The following GREB1L variants were observed in gnomAD, a reference collection of about 807,000 sequenced individuals.
GREB1L encodes GREB1-like protein.
Under a neutral mutation model 200.8 loss-of-function variants are expected in GREB1L, and 17 were observed. The ratio of observed to expected loss-of-function variants is 0.08; its 90% CI spans 0.06 to 0.13. GREB1L has a LOEUF of 0.13. Among genes scored for constraint, GREB1L ranks in the 10% least tolerant of loss-of-function variants. The probability of loss-of-function intolerance (pLI) is 1.00; values close to 1 mark genes in which losing one functional copy is unlikely to be tolerated. For synonymous variants in GREB1L, 789 were observed against 893.0 expected (o/e 0.88, Z 2.08); for missense variants, 1,657 against 2,367.7 (o/e 0.70, Z 6.23).
intron 2 of GREB1L, among the ~76,000 whole-genome samples, chr18:21,382,628 A>G (rs2040368595): frequency 1.3e-5 from 2 of 151,510 alleles, no homozygotes; most frequent in Non-Finnish European, 2.9e-5. Context: ...AGTAGCTGGG[A>G]CTACAGGCAC....
intron 7 of GREB1L, among the ~76,000 whole-genome samples, chr18:21,420,001 A>G (rs1432752566): frequency 2.0e-5 from 3 of 152,236 alleles, no homozygotes; most frequent in Non-Finnish European, 4.4e-5. Context: ...TATAACACCA[A>G]AAGTTTAATC....
intron 1 of GREB1L, among the ~76,000 whole-genome samples, chr18:21,317,220 A>G (rs1387074714): frequency 6.6e-6 from 1 of 152,032 alleles, no homozygotes; most frequent in Admixed American, 6.6e-5. Context: ...AAATCAATCA[A>G]TGGATTAATC....
At chr18:21,387,508 CTT>C (rs1365397835) in intron 4 of GREB1L, 2 of 152,208 alleles carry the variant, frequency 1.3e-5, no homozygotes, top group African/African-American at 4.8e-5. Context: ...TTATCACTAA[CTT>C]ACGTTTCTTT....
chr18:21,518,103 C>T lies in GREB1L; in HGVS notation c.5341C>T (p.Leu1781=). The T allele has an allele frequency of 6.4e-7, 1 of 1,551,662 alleles. No individual in the cohort carries two copies. Among genetic ancestry groups the T allele is most frequent in the Non-Finnish European group, 8.7e-7 (1 of 1,146,962 alleles). Residue 1781 remains leucine, a synonymous_variant, in exon 31 of 33, where the codon CTG becomes TTG. Coordinates refer to ENST00000424526, the MANE Select transcript of GREB1L (RefSeq NM_001142966.3). ...TGCTCCCGACAGTGAACACACACTA[C>T]TGGCAGCCCCTGCACAGTTTCTCCT... The part of the protein sequence containing the change: ...ICAPDSEHTL[L]AAPAQFLLEK...
At position 21,500,252 on chromosome 18, in the gene GREB1L, C is replaced by T. The variant is rs780337558; in HGVS notation, c.3915C>T (p.Ala1305=). The T allele has an allele frequency of 3.2e-5, 48 of 1,501,604 alleles. No homozygotes were observed. The African/African-American group carries it at 5.0e-4, about 16-fold the overall frequency. The allele number at this position is 1,501,604 out of a possible 1,614,324, so 93.0% of individuals were successfully genotyped here. ...ACTATAGCAACCAGCTGGACCCGGC[C>T]TCTGGCACCCGAAACTTCCACCCCC... ...HADYSNQLDP[A]SGTRNFHPRR... The change falls in exon 22 of 33, where the codon GCC becomes GCT. Residue 1305 remains alanine, a synonymous_variant. Coordinates refer to ENST00000424526, the MANE Select transcript of GREB1L (RefSeq NM_001142966.3).
Position 21,490,092 on chromosome 18 carries a change from C to A in GREB1L, c.2771C>A (p.Thr924Asn). The A allele has an allele frequency of 6.4e-7, 1 of 1,551,948 alleles. No individual in the cohort carries two copies. Among genetic ancestry groups the A allele is most frequent in the Non-Finnish European group, 8.7e-7 (1 of 1,147,018 alleles). ...QYSEALMALT[T>N]MASLRDHSTP... is the part of the protein sequence containing the mutation. ...TCTGAGGCCCTGATGGCTCTCACCA[C>A]CATGGCGTCACTCCGCGACCACAGC... Residue 924 changes from threonine (T) to asparagine (N), a missense_variant, in exon 19 of 33, where the codon ACC becomes AAC. By Grantham distance (65) the Thr-to-Asn change is moderately conservative (BLOSUM62 0). Transcript: ENST00000424526.
chr18:21,279,263 C>G (rs1324640358), intron 1 of GREB1L, among the ~76,000 whole-genome samples: 1 of 151,752 alleles, frequency 6.6e-6, no homozygotes, highest in East Asian at 1.9e-4. Context: ...ATTTTATATT[C>G]TTATTTTAAA....
In GREB1L at chr18:21,429,108, TCCCTTCCTTC is replaced by T. The variant is rs1425741969; in HGVS notation, c.833-10411_833-10402del. 2.2e-3 allele frequency among the ~76,000 whole-genome samples: 276 copies of T among 126,436 alleles called. 1 individual carries two copies. The highest frequency in any genetic ancestry group is 0.011 in the African/African-American group (263 of 24,246). The allele number at this position is 126,436 out of a possible 152,430, so 82.9% of individuals were successfully genotyped here. A position where few individuals can be genotyped will look rare whatever the true frequency, so the allele number is the denominator to read the frequency against. Reference sequence around the variant, plus strand: ...CATTCATGTGTTTCATAAACTATTCTCCCTTCCTTCCTTCCTTCCTTCCTTCCTTCCTTCC... The same window carrying T: ...CATTCATGTGTTTCATAAACTATTCTCTTCCTTCCTTCCTTCCTTCCTTCC... On this transcript the variant is annotated intron_variant, in intron 7 of 32. Transcript: ENST00000424526.
At chr18:21,421,691 T>C (rs2032162055) in intron 7 of GREB1L, among the ~76,000 whole-genome samples, 1 of 152,240 alleles carries the variant, frequency 6.6e-6, no homozygotes, top group African/African-American at 2.4e-5. Context: ...TCATTGCTAC[T>C]GTGAGGTTGT....
chr18:21,474,038 T>G (rs556625238), intron 16 of GREB1L, among the ~76,000 whole-genome samples: 1 of 152,196 alleles, frequency 6.6e-6, no homozygotes, highest in South Asian at 2.1e-4. Flanking sequence ...CCACAACACG[T>G]GGGAATTATG....
intron 1 of GREB1L, among the ~76,000 whole-genome samples, chr18:21,333,077 T>C (rs2039129237): frequency 6.6e-6 from 1 of 152,008 alleles, no homozygotes; most frequent in Admixed American, 6.6e-5. Context: ...AGAGACCCTA[T>C]GTTAATACAC....
chr18:21,500,424 C>T (rs2036737943), intron 22 of GREB1L, 116 bp from the exon 23 acceptor site: 1 of 856,100 alleles, frequency 1.2e-6, no homozygotes, highest in Admixed American at 2.2e-5. Context: ...GTGAGGACCT[C>T]ATTCAGGCCT....
intron 27 of GREB1L, among the ~76,000 whole-genome samples, chr18:21,509,035 T>C (rs79124788): frequency 0.021 from 3,214 of 152,304 alleles, 110 homozygotes; most frequent in African/African-American, 0.071. Context: ...AGGGGGCTGT[T>C]GTACAACCAG....
intron 7 of GREB1L, among the ~76,000 whole-genome samples, chr18:21,414,931 A>C (rs1460365571): frequency 6.6e-6 from 1 of 152,218 alleles, no homozygotes; most frequent in East Asian, 1.9e-4. Flanking sequence ...GATCCCTGAG[A>C]GATGGGAAAC....
intron 4 of GREB1L, among the ~76,000 whole-genome samples, chr18:21,394,892 G>C (rs1279056312): frequency 7.1e-6 from 1 of 140,818 alleles, no homozygotes; most frequent in African/African-American, 2.7e-5. Context: ...TCAGGAGTTC[G>C]AAACCAGCCT....
At chr18:21,265,331 A>G (rs2037948859) in intron 1 of GREB1L, among the ~76,000 whole-genome samples, 1 of 152,168 alleles carries the variant, frequency 6.6e-6, no homozygotes, top group African/African-American at 2.4e-5. Context: ...TCTTATAGGA[A>G]AAAGGTATAT....
chr18:21,313,764 A>G (rs145661384), intron 1 of GREB1L, among the ~76,000 whole-genome samples: 58 of 152,338 alleles, frequency 3.8e-4, no homozygotes, highest in African/African-American at 1.3e-3. Flanking sequence ...ACTCAAAAAC[A>G]AAAAACAAAA....
intron 12 of GREB1L, among the ~76,000 whole-genome samples, chr18:21,450,227 A>G (rs773540273): frequency 6.6e-6 from 1 of 152,020 alleles, no homozygotes; most frequent in Admixed American, 6.6e-5. Context: ...TCCCCTTCTC[A>G]CTGAACAGTC....
At chr18:21,362,801 A>G (rs1331820386) in intron 1 of GREB1L, among the ~76,000 whole-genome samples, 1 of 152,186 alleles carries the variant, frequency 6.6e-6, no homozygotes, top group Non-Finnish European at 1.5e-5. Flanking sequence ...TTTAAATAAG[A>G]TGTTTTAAAC....
Sources: gnomAD v4.1 joint callset for allele counts (sites outside exome capture counted in the v4.1 genomes callset) on GRCh38, gnomAD v4.1.1 for gene constraint, MANE v1.5 for transcripts, NCBI Gene and HGNC (gene_info 2026-07-23, HGNC 2026-07-21) for gene names.